Variants in SOX6 observed in about 807,000 individuals in gnomAD.
SOX6 encodes transcription factor SOX-6.
A neutral mutation model predicts 97.8 loss-of-function variants in SOX6; 11 were observed. That is an observed-to-expected ratio of 0.11 (90% CI 0.07 to 0.19). The LOEUF (loss-of-function observed/expected upper bound fraction) is 0.19. Among genes scored for constraint, SOX6 ranks in the 10% least tolerant of loss-of-function variants. SOX6 has a pLI of 1.00. For synonymous variants in SOX6, 360 were observed against 371.4 expected (o/e 0.97, Z 0.35); for missense variants, 810 against 1,039.5 (o/e 0.78, Z 3.04).
chr11:16,444,124 A>T (rs554559858), intron 1 of SOX6, among the ~76,000 whole-genome samples: 1 of 151,998 alleles, frequency 6.6e-6, no homozygotes, highest in East Asian at 1.9e-4. Context: ...AAGAAGCAAA[A>T]ACTGTTATAA....
rs938113496 is a variant in SOX6, at chr11:16,341,374, C to T, written c.-4-122G>A. The T allele has an allele frequency of 7.3e-6, 10 of 1,364,660 alleles. No individual in the cohort carries two copies. In the African/African-American group the frequency reaches 1.3e-4, roughly 18 times the overall value. The allele number at this position is 1,364,660 out of a possible 1,614,324, so 84.5% of individuals were successfully genotyped here. A position where few individuals can be genotyped will look rare whatever the true frequency, so the allele number is the denominator to read the frequency against. On this transcript the variant is annotated intron_variant, in intron 1 of 15. Coordinates refer to ENST00000683767, the MANE Select transcript of SOX6 (RefSeq NM_001367873.1). ...TTTAACTTTAGAGATATTTGTGGTC[C>T]ACTCTAAACCCCTGAAAAAGAACTC...
intron 1 of SOX6, among the ~76,000 whole-genome samples, chr11:16,437,786 T>G (rs1327340775): frequency 6.6e-6 from 1 of 152,230 alleles, no homozygotes; most frequent in Non-Finnish European, 1.5e-5. Context: ...CTGAGTTTCC[T>G]CATGTATAAA....
chr11:16,207,503 G>A (rs1437211292), intron 4 of SOX6, among the ~76,000 whole-genome samples: 8 of 151,628 alleles, frequency 5.3e-5, no homozygotes, highest in Non-Finnish European at 1.2e-4. Flanking sequence ...GCTGAGGCAG[G>A]AGAATGGCCT....
intron 2 of SOX6, among the ~76,000 whole-genome samples, chr11:16,323,520 G>C (rs1291895353): frequency 6.6e-6 from 1 of 152,036 alleles, no homozygotes; most frequent in Non-Finnish European, 1.5e-5. Flanking sequence ...TTGGGCATTT[G>C]TGTGTCTTGT....
chr11:16,636,618 C>A (rs1400414982), intron 3 of SOX6, among the ~76,000 whole-genome samples: 4 of 152,092 alleles, frequency 2.6e-5, no homozygotes, highest in Admixed American at 6.6e-5. Context: ...GGGCCCGGGG[C>A]AAAATGATAT....
At chr11:16,363,287 C>A (rs1366267270) in intron 1 of SOX6, among the ~76,000 whole-genome samples, 1 of 152,096 alleles carries the variant, frequency 6.6e-6, no homozygotes, top group African/African-American at 2.4e-5. Flanking sequence ...GAGAAAACTT[C>A]TTTAGAGATT....
chr11:16,627,248 T>C (rs1339323807), intron 3 of SOX6, among the ~76,000 whole-genome samples: 2 of 152,212 alleles, frequency 1.3e-5, no homozygotes, highest in African/African-American at 4.8e-5. Context: ...ATTGGTTACA[T>C]GTCTTTGTTA....
At position 16,094,944 on chromosome 11, in the gene SOX6, A is replaced by G. The variant is rs1435762986; in HGVS notation, c.1101+1052T>C. ...TTCTTAGGAGTGATCATTCCCTATC[A>G]TTTTCCAAAAAGGTAGATTCACAAG... is the stretch of plus-strand genomic sequence containing the variant. On this transcript the variant is annotated intron_variant, in intron 9 of 15. Coordinates refer to ENST00000683767, the MANE Select transcript of SOX6 (RefSeq NM_001367873.1). Among the ~76,000 whole-genome samples the G allele has an allele frequency of 2.0e-5, 3 of 151,652 alleles. No homozygotes were observed. The East Asian group carries it at 5.8e-4, about 30-fold the overall frequency.
Position 16,176,059 on chromosome 11 carries a change from AGACG to A in SOX6, c.777+7823_777+7826del, listed in dbSNP as rs879303702. 1.2e-4 allele frequency among the ~76,000 whole-genome samples: 15 copies of A among 125,972 alleles called. No homozygotes were observed. The East Asian group carries it at 2.9e-3, about 24-fold the overall frequency. The allele number at this position is 125,972 out of a possible 152,430, so 82.6% of individuals were successfully genotyped here. On this transcript the variant is annotated intron_variant, in intron 6 of 15. Coordinates refer to ENST00000683767, the MANE Select transcript of SOX6 (RefSeq NM_001367873.1). ...CCTCAGGATGGATGGATGGACGGAC[AGACG>A]GACGGACGGATGGATGGATGGATGG...
intron 4 of SOX6, among the ~76,000 whole-genome samples, chr11:16,590,281 C>T (rs2045651328): frequency 6.6e-6 from 1 of 152,124 alleles, no homozygotes; most frequent in African/African-American, 2.4e-5. Flanking sequence ...AGGCAAAGTG[C>T]TAATTTTTAG....
At chr11:16,737,843 T>C (rs1848405225) in intron 1 of SOX6, among the ~76,000 whole-genome samples, 1 of 152,076 alleles carries the variant, frequency 6.6e-6, no homozygotes, top group Non-Finnish European at 1.5e-5. Context: ...TGACAGTGGA[T>C]TGTACACTTT....
chr11:16,572,790 T>C (rs1298417456), intron 4 of SOX6, among the ~76,000 whole-genome samples: 2 of 152,194 alleles, frequency 1.3e-5, no homozygotes, highest in African/African-American at 4.8e-5. Flanking sequence ...TTTTTCCTTA[T>C]TCATAATGTC....
chr11:16,067,282 A>G (rs78548199), intron 9 of SOX6, among the ~76,000 whole-genome samples: 1 of 152,158 alleles, frequency 6.6e-6, no homozygotes, highest in South Asian at 2.1e-4. Flanking sequence ...GTCCCCACCC[A>G]AATTTCATCT....
chr11:16,095,915 A>T (rs555377755), intron 9 of SOX6, 81 bp downstream of exon 9: 202 of 135,064 alleles, frequency 1.5e-3, no homozygotes, highest in Middle Eastern at 3.0e-3. Flanking sequence ...TTGCCACTTT[A>T]AAAAAAAAAA....
chr11:16,666,788 A>G (rs982216298), intron 3 of SOX6, among the ~76,000 whole-genome samples: 3 of 151,994 alleles, frequency 2.0e-5, no homozygotes, highest in African/African-American at 7.3e-5. Flanking sequence ...AGAGTGGGAC[A>G]CCATCTCAAA....
At chr11:16,018,098 G>T (rs1050320669) in intron 12 of SOX6, among the ~76,000 whole-genome samples, 1 of 152,058 alleles carries the variant, frequency 6.6e-6, no homozygotes, top group Non-Finnish European at 1.5e-5. Context: ...GATGTATGAG[G>T]TAGATGTTGC....
intron 6 of SOX6, among the ~76,000 whole-genome samples, chr11:16,176,645 T>C (rs1260439600): frequency 2.0e-5 from 3 of 151,930 alleles, no homozygotes; most frequent in African/African-American, 7.2e-5. Flanking sequence ...ACAGCTATAG[T>C]AGTTCTAAGG....
At chr11:16,602,425 G>T (rs2133978102) in intron 4 of SOX6, among the ~76,000 whole-genome samples, 1 of 152,100 alleles carries the variant, frequency 6.6e-6, no homozygotes, top group Non-Finnish European at 1.5e-5. Context: ...TTCAAAGTTT[G>T]AAACATTTGT....
At chr11:16,596,624 A>G (rs562220804) in intron 4 of SOX6, among the ~76,000 whole-genome samples, 1 of 152,334 alleles carries the variant, frequency 6.6e-6, no homozygotes, top group Admixed American at 6.5e-5. Context: ...ACATAACGCC[A>G]TGACAGTAAT....
Sources: allele counts gnomAD v4.1 joint callset (sites outside exome capture counted in the v4.1 genomes callset), GRCh38; gene constraint gnomAD v4.1.1; transcripts MANE v1.5; gene names NCBI Gene and HGNC (gene_info 2026-07-23, HGNC 2026-07-21).